Variants in NBEA observed in about 807,000 individuals in gnomAD.
The protein encoded by NBEA is neurobeachin.
A neutral mutation model predicts 343.4 loss-of-function variants in NBEA; 44 were observed. The ratio of observed to expected loss-of-function variants is 0.13; its 90% confidence interval spans 0.10 to 0.16. The LOEUF (loss-of-function observed/expected upper bound fraction) is 0.16. Among genes scored for constraint, NBEA ranks in the 10% least tolerant of loss-of-function variants. The pLI, the probability that NBEA is intolerant of heterozygous loss-of-function variation, is 1.00. For missense variants in NBEA, 2,555 were observed against 3,631.3 expected, an observed-to-expected ratio of 0.70 and a Z score of 7.62; for synonymous variants, 1,175 against 1,238.7, an observed-to-expected ratio of 0.95 and a Z score of 1.08.
chr13:35,193,603 C>G (rs1022274724), intron 30 of NBEA, among the ~76,000 whole-genome samples: 1 of 151,714 alleles, frequency 6.6e-6, no homozygotes, highest in Non-Finnish European at 1.5e-5. Context: ...TTAAAAATGC[C>G]AAACTATTGT....
chr13:35,371,487 G>T (rs775000087), intron 38 of NBEA, among the ~76,000 whole-genome samples: 3 of 151,728 alleles, frequency 2.0e-5, no homozygotes, highest in African/African-American at 4.8e-5. Context: ...TACCTCTTTA[G>T]TAAATTTCTC....
chr13:35,245,860 A>G (rs2031106678), intron 34 of NBEA, among the ~76,000 whole-genome samples: 1 of 152,018 alleles, frequency 6.6e-6, no homozygotes, highest in Non-Finnish European at 1.5e-5. Flanking sequence ...AGTTTCCCCC[A>G]ATTATTCCCC....
At chr13:35,549,061 C>G (rs2322670) in intron 41 of NBEA, among the ~76,000 whole-genome samples, 135,240 of 152,124 alleles carry the variant, frequency 0.89, 61,035 homozygotes, top group East Asian at 1. Context: ...TTTCAAAATA[C>G]TGTAGTTGGT....
chr13:35,514,109 C>G (rs2077389223), intron 41 of NBEA, among the ~76,000 whole-genome samples: 1 of 151,168 alleles, frequency 6.6e-6, no homozygotes, highest in African/African-American at 2.4e-5. Flanking sequence ...TTGGCTACTC[C>G]TTTAGAAAAA....
At chr13:35,193,656 A>G (rs1490478987) in intron 30 of NBEA, among the ~76,000 whole-genome samples, 2 of 151,886 alleles carry the variant, frequency 1.3e-5, no homozygotes, top group African/African-American at 2.4e-5. Flanking sequence ...TTTGCCTACT[A>G]TTATTGACAT....
At chr13:34,984,652 G>A (rs183928211) in intron 1 of NBEA, among the ~76,000 whole-genome samples, 10 of 151,036 alleles carry the variant, frequency 6.6e-5, no homozygotes, top group Admixed American at 2.0e-4. Context: ...CCATTTTCAC[G>A]ATATTGATTC....
At chr13:35,465,239 G>A (rs1052070859) in intron 40 of NBEA, among the ~76,000 whole-genome samples, 1 of 151,908 alleles carries the variant, frequency 6.6e-6, no homozygotes, top group African/African-American at 2.4e-5. Flanking sequence ...ATGCAACACT[G>A]GTATATATCA....
intron 35 of NBEA, among the ~76,000 whole-genome samples, chr13:35,298,205 GTGTGTGTATATATA>G (rs1214825811): frequency 3.2e-3 from 46 of 14,536 alleles, no homozygotes; most frequent in African/African-American, 4.9e-3. Context: ...GTGTGTGTGT[GTGTGTGTATATATA>G]TATATATATA....
intron 17 of NBEA, among the ~76,000 whole-genome samples, chr13:35,137,698 G>A (rs994349230): frequency 6.6e-6 from 1 of 151,378 alleles, no homozygotes; most frequent in African/African-American, 2.4e-5. Context: ...GTTATTTATT[G>A]TGTTACTTTT....
chr13:35,315,934 CA>C (rs915792364), intron 36 of NBEA, among the ~76,000 whole-genome samples: 49 of 151,084 alleles, frequency 3.2e-4, no homozygotes, highest in Non-Finnish European at 2.1e-4. Flanking sequence ...TAAAACAAAC[CA>C]AAAAAAACTT....
chr13:35,028,741 T>TG (rs1218503174), intron 1 of NBEA, among the ~76,000 whole-genome samples: 1 of 151,628 alleles, frequency 6.6e-6, no homozygotes, highest in African/African-American at 2.4e-5. Flanking sequence ...CATCACCCCC[T>TG]ACAGAACCTT....
chr13:35,027,189 C>G (rs1593509404), intron 1 of NBEA, among the ~76,000 whole-genome samples: 2 of 152,092 alleles, frequency 1.3e-5, no homozygotes, highest in South Asian at 4.1e-4. Context: ...ATGGCTATTA[C>G]AAATAAAGCT....
chr13:35,511,241 G>A (rs534518667), intron 41 of NBEA, among the ~76,000 whole-genome samples: 1 of 152,222 alleles, frequency 6.6e-6, no homozygotes, highest in East Asian at 1.9e-4. Flanking sequence ...ATATAGCACA[G>A]GAAGCATTGT....
intron 1 of NBEA, among the ~76,000 whole-genome samples, chr13:35,002,953 T>C (rs1197382221): frequency 6.6e-6 from 1 of 152,144 alleles, no homozygotes; most frequent in African/African-American, 2.4e-5. Context: ...GTGTTGGTTG[T>C]GCAAGGTACA....
At chr13:35,536,201 T>C (rs2078531516) in intron 41 of NBEA, among the ~76,000 whole-genome samples, 1 of 152,188 alleles carries the variant, frequency 6.6e-6, no homozygotes, top group African/African-American at 2.4e-5. Flanking sequence ...AGAAAAGTCT[T>C]TAAAACCTGA....
intron 38 of NBEA, among the ~76,000 whole-genome samples, chr13:35,412,120 G>A (rs2043624128): frequency 6.6e-6 from 1 of 152,026 alleles, no homozygotes; most frequent in African/African-American, 2.4e-5. Flanking sequence ...CATGCATAAT[G>A]TTTTCATAAT....
intron 47 of NBEA, among the ~76,000 whole-genome samples, chr13:35,595,557 G>A (rs1291539588): frequency 6.6e-6 from 1 of 151,984 alleles, no homozygotes; most frequent in East Asian, 1.9e-4. Context: ...TGTGATCTCT[G>A]GTTGATGGAG....
At chr13:35,092,541 A>T (rs980332229) in intron 10 of NBEA, among the ~76,000 whole-genome samples, 1 of 152,036 alleles carries the variant, frequency 6.6e-6, no homozygotes, top group Non-Finnish European at 1.5e-5. Flanking sequence ...TTCAGTTTTT[A>T]AAAGTGGACA....
chr13:35,669,016 C>G (rs1203498717), intron 58 of NBEA, among the ~76,000 whole-genome samples: 1 of 152,184 alleles, frequency 6.6e-6, no homozygotes, highest in East Asian at 1.9e-4. Context: ...CCCCCATGTT[C>G]TTATTTACCT....
Sources: allele counts gnomAD v4.1 joint callset (sites outside exome capture counted in the v4.1 genomes callset), GRCh38; gene constraint gnomAD v4.1.1; transcripts MANE v1.5; gene names NCBI Gene and HGNC (gene_info 2026-07-23, HGNC 2026-07-21).